SPATA18: variants seen among roughly 807,000 people sequenced by gnomAD.
The protein encoded by SPATA18 is spermatogenesis associated 18, also known as mitochondria-eating protein.
SPATA18 carries 54 observed loss-of-function variants against 68.1 expected under a neutral mutation model. That is an observed-to-expected ratio of 0.79 (90% CI 0.64 to 0.99). The LOEUF (loss-of-function observed/expected upper bound fraction) is 0.99. Ranked by LOEUF, SPATA18 falls within the 50% of genes least tolerant of loss-of-function variation. SPATA18 has a pLI of 0.00. For synonymous variants in SPATA18, 242 were observed against 244.8 expected, an observed-to-expected ratio of 0.99 and a Z score of 0.11; for missense variants, 724 against 681.1, an observed-to-expected ratio of 1.06 and a Z score of -0.70.
rs1366156568 is a variant in SPATA18 at position 52,076,775 on chromosome 4, A to T, written c.759-4A>T. The T allele has an allele frequency of 1.9e-6, 3 of 1,612,496 alleles. No individual in the cohort carries two copies. Among genetic ancestry groups the T allele is most frequent in the African/African-American group, 1.3e-5 (1 of 74,890 alleles). On this transcript the variant is annotated splice_region_variant and splice_polypyrimidine_tract_variant and intron_variant, in intron 6 of 12. Coordinates refer to ENST00000295213, the MANE Select transcript of SPATA18 (RefSeq NM_145263.4). Reference sequence around the variant, plus strand: ...TTCCCTGGCTGATTCTCGCTCACCAACAGGTCCTCCAGGAGCCGGTCTCCC... The same window carrying T: ...TTCCCTGGCTGATTCTCGCTCACCATCAGGTCCTCCAGGAGCCGGTCTCCC...
At chr4:52,060,713 T>C in intron 2 of SPATA18, 69 bp from the exon 3 acceptor site, 1 of 1,325,004 alleles carries the variant, frequency 7.5e-7, no homozygotes, top group Non-Finnish European at 1.1e-6. Context: ...AACGTGCAGG[T>C]TAGTTACATA....
rs754490890 is a variant in SPATA18, at chr4:52,060,457, A to G, written c.126A>G (p.Glu42=). ...ATCAAAATCTAAACCATTGCCTTGA[A>G]CTCATTGAGCAAGTTGCCAAGGTGC... ...TCDQNLNHCL[E]LIEQVAKVQG... is the part of the protein sequence containing the mutation. Residue 42 remains glutamate, a synonymous_variant, in exon 2 of 13, where the codon GAA becomes GAG. Coordinates refer to ENST00000295213, the MANE Select transcript of SPATA18 (RefSeq NM_145263.4). 12 of 1,613,792 alleles carry G rather than the reference A, an allele frequency of 7.4e-6. No homozygotes were observed. The African/African-American group carries it at 1.5e-4, about 20-fold the overall frequency.
Position 52,079,854 on chromosome 4 carries a change from G to A in SPATA18, c.1290G>A (p.Met430Ile), listed in dbSNP as rs752997725. 2 of 1,614,056 alleles carry A rather than the reference G, an allele frequency of 1.2e-6. No homozygotes were observed. The highest frequency in any genetic ancestry group is 3.3e-5 in the Admixed American group (2 of 60,020). Residue 430 changes from methionine to isoleucine, a missense_variant, in exon 9 of 13, where the codon ATG becomes ATA. Transcript: ENST00000295213. Reference protein sequence around the residue: ...IQEICCIAFAMQALEPPLDIA... With the variant: ...IQEICCIAFAIQALEPPLDIA... ...AGATATGTTGCATTGCCTTTGCAAT[G>A]CAGGCCTTAGAACCACCCCTAGATA...
At chr4:52,083,002 AG>A (rs1741084058) in intron 10 of SPATA18, 1 of 985,250 alleles carries the variant, frequency 1.0e-6, no homozygotes, top group South Asian at 4.7e-5. Context: ...GGTGGGAGAG[AG>A]GAACCAATCA....
Sources: allele counts gnomAD v4.1 joint callset, GRCh38; gene constraint gnomAD v4.1.1; transcripts MANE v1.5; gene names NCBI Gene and HGNC (gene_info 2026-07-23, HGNC 2026-07-21).